The following GLB1 variants were observed in gnomAD, a reference collection of about 807,000 sequenced individuals.
GLB1 encodes beta-galactosidase.
In GLB1, 56 loss-of-function variants were observed where a neutral mutation model predicts 74.0. The ratio of observed to expected loss-of-function variants is 0.76; its 90% CI spans 0.61 to 0.94. The LOEUF (loss-of-function observed/expected upper bound fraction) is 0.94. GLB1 is among the 40% of genes least tolerant of loss of function. The probability of loss-of-function intolerance (pLI) is 0.00; values close to 1 mark genes in which losing one functional copy is unlikely to be tolerated. For missense variants in GLB1, 787 were observed against 845.5 expected (o/e 0.93, Z 0.86); for synonymous variants, 323 against 323.6 (o/e 1.00, Z 0.02).
Position 33,051,603 on chromosome 3 carries a change from C to CA in GLB1, c.955+154dup, listed in dbSNP as rs59740209. Among the ~76,000 whole-genome samples the CA allele has an allele frequency of 0.26, 19,770 of 75,442 alleles. 1,823 individuals carry two copies. Among genetic ancestry groups the CA allele is most frequent in the East Asian group, 0.4 (876 of 2,214 alleles). 49.5% of individuals were successfully genotyped at this position (75,442 alleles called of 152,430 possible). ...CTGGGTGACAGAGTGAGACTGTCTA[C>CA]AAAAAAAAAAAAAAAAGAAAAAGAA... On this transcript the variant is annotated intron_variant, in intron 9 of 15. Coordinates refer to ENST00000307363, the MANE Select transcript of GLB1 (RefSeq NM_000404.4).
At chr3:33,046,351 T>C in intron 9 of GLB1, 119 bp from the exon 10 acceptor site, 1 of 1,158,120 alleles carries the variant, frequency 8.6e-7, no homozygotes, top group East Asian at 2.6e-5. Context: ...TTAAAACCAC[T>C]TGTTGGGAGA....
At chr3:33,012,810 T>C (rs1338470763) in intron 15 of GLB1, among the ~76,000 whole-genome samples, 1 of 152,160 alleles carries the variant, frequency 6.6e-6, no homozygotes, top group Non-Finnish European at 1.5e-5. Flanking sequence ...TCCTGTCCAA[T>C]CCATTGTCAC....
At chr3:33,003,316 C>T (rs1696653697) in intron 15 of GLB1, among the ~76,000 whole-genome samples, 1 of 152,180 alleles carries the variant, frequency 6.6e-6, no homozygotes, top group African/African-American at 2.4e-5. Flanking sequence ...GCTTACCTAA[C>T]AACAGTCGTC....
intron 11 of GLB1, among the ~76,000 whole-genome samples, chr3:33,022,410 C>A (rs1047797893): frequency 1.3e-5 from 2 of 151,946 alleles, no homozygotes; most frequent in African/African-American, 4.8e-5. Context: ...TGCACTAGCT[C>A]ATTGAATACT....
At chr3:32,967,733 T>C in the GLB1 span, among the ~76,000 whole-genome samples, 1 of 152,186 alleles carries the variant, frequency 6.6e-6, no homozygotes, top group African/African-American at 2.4e-5. Context: ...ACTGTCTCCT[T>C]TGTCTGCGGG....
At chr3:32,995,869 A>G (rs1358289252), downstream of GLB1, among the ~76,000 whole-genome samples, 1 of 151,372 alleles carries the variant, frequency 6.6e-6, no homozygotes, top group Non-Finnish European at 1.5e-5. Flanking sequence ...AAAAAATTAC[A>G]TATTCCCAGT....
chr3:33,053,208 C>T (rs1278785645), intron 7 of GLB1, among the ~76,000 whole-genome samples: 1 of 152,142 alleles, frequency 6.6e-6, no homozygotes, highest in Non-Finnish European at 1.5e-5. Flanking sequence ...ATGAGAGTTG[C>T]CCTGAGGACC....
chr3:33,061,400 AAAAC>A (rs545287219), intron 5 of GLB1, among the ~76,000 whole-genome samples: 52 of 152,174 alleles, frequency 3.4e-4, no homozygotes, highest in Admixed American at 6.5e-4. Context: ...GGTGACAGAG[AAAAC>A]AAACAAACAA....
the GLB1 span, among the ~76,000 whole-genome samples, chr3:32,963,082 A>G: frequency 1.3e-5 from 2 of 152,180 alleles, no homozygotes; most frequent in Non-Finnish European, 2.9e-5. Flanking sequence ...GCAATGTTGC[A>G]GAAAGTCAAG....
chr3:33,094,473 G>A (rs2125587228), intron 1 of GLB1, among the ~76,000 whole-genome samples: 1 of 152,342 alleles, frequency 6.6e-6, no homozygotes, highest in South Asian at 2.1e-4. Context: ...ACAGCATTGT[G>A]ACATGATGGG....
chr3:33,030,865 C>T, intron 10 of GLB1: 4 of 975,686 alleles, frequency 4.1e-6, no homozygotes, highest in Non-Finnish European at 4.9e-6. Flanking sequence ...GATTTGACAG[C>T]ATACAAAAAT....
In GLB1 at chr3:33,068,290, C is replaced by A. The variant is rs2125547910; in HGVS notation, c.397G>T (p.Gly133Ter). The A allele has an allele frequency of 6.2e-7, 1 of 1,614,008 alleles. No individual in the cohort carries two copies. Residue 133 changes from glycine (G) to a stop codon, truncating the protein, a stop_gained and splice_region_variant, in exon 4 of 16, where the codon GGA (glycine) becomes TGA (stop). Transcript: ENST00000307363. LOFTEE classifies it high-confidence loss of function. ...GPYICAEWEM[G>*]GLPAWLLEKE... ...TCTAGCAGCCAAGCAGGTAATCCTC[C>A]CTAGTTCAGGGAAAACAAGCCATTA...
chr3:32,962,168 T>A, the GLB1 span, among the ~76,000 whole-genome samples: 1 of 145,622 alleles, frequency 6.9e-6, no homozygotes, highest in Non-Finnish European at 1.5e-5. Flanking sequence ...CACTTCAGCC[T>A]GGGCGACAGA....
At chr3:33,034,038 C>A in intron 10 of GLB1, 1 of 547,854 alleles carries the variant, frequency 1.8e-6, no homozygotes, top group Non-Finnish European at 3.6e-6. Context: ...CATGAGAGTC[C>A]TATGTGGCAA....
At chr3:32,990,373 C>T in the GLB1 span, among the ~76,000 whole-genome samples, 3 of 152,212 alleles carry the variant, frequency 2.0e-5, no homozygotes, top group Non-Finnish European at 4.4e-5. Context: ...GTCTACCCCT[C>T]ACAAGCTACA....
chr3:33,095,606 A>C (rs1559425134), intron 1 of GLB1, among the ~76,000 whole-genome samples: 1 of 152,168 alleles, frequency 6.6e-6, no homozygotes, highest in Admixed American at 6.5e-5. Context: ...TATGGCAGCC[A>C]CAGGGCATCC....
chr3:32,988,316 CA>C, the GLB1 span, among the ~76,000 whole-genome samples: 1 of 151,486 alleles, frequency 6.6e-6, no homozygotes, highest in Non-Finnish European at 1.5e-5. Context: ...CAGAAAATGG[CA>C]AAATTGGTCA....
At chr3:33,033,184 A>C (rs1003785272) in intron 10 of GLB1, among the ~76,000 whole-genome samples, 34 of 152,322 alleles carry the variant, frequency 2.2e-4, no homozygotes, top group African/African-American at 7.7e-4. Context: ...CCAGCCCCGG[A>C]AGTACATGGG....
rs897638453 is a variant in GLB1 at position 33,041,490 on chromosome 3, C to A, written c.1068+4630G>T. Among the ~76,000 whole-genome samples the A allele has an allele frequency of 1.1e-4, 16 of 151,802 alleles. 1 individual carries two copies. The highest frequency in any genetic ancestry group is 1.0e-3 in the Admixed American group (16 of 15,254). On this transcript the variant is annotated intron_variant, in intron 10 of 15. Transcript: ENST00000307363. ...CAGCCTGGTCAACATGGTGAAACCC[C>A]ATCTCTACTAAAAATACAAAAATTA...
Sources: gnomAD v4.1 joint callset for allele counts (sites outside exome capture counted in the v4.1 genomes callset) on GRCh38, gnomAD v4.1.1 for gene constraint, MANE v1.5 for transcripts, NCBI Gene and HGNC (gene_info 2026-07-23, HGNC 2026-07-21) for gene names.